Variants in SSR1 observed in about 807,000 individuals in gnomAD.
The protein encoded by SSR1 is signal sequence receptor subunit 1.
Under a neutral mutation model 36.1 loss-of-function variants are expected in SSR1, and 13 were observed. That is an observed-to-expected ratio of 0.36 (90% confidence interval 0.23 to 0.57). The LOEUF (loss-of-function observed/expected upper bound fraction) is 0.57. Ranked by LOEUF, SSR1 falls within the 20% of genes least tolerant of loss-of-function variation. The pLI is 0.81. For synonymous variants in SSR1, 113 were observed against 118.9 expected, an observed-to-expected ratio of 0.95 and a Z score of 0.32; for missense variants, 291 against 338.5, an observed-to-expected ratio of 0.86 and a Z score of 1.10.
chr6:7,299,648 A>G (rs1048341152), intron 4 of SSR1, among the ~76,000 whole-genome samples: 2 of 151,718 alleles, frequency 1.3e-5, no homozygotes, highest in Non-Finnish European at 2.9e-5. Context: ...TGATGAGCCG[A>G]GATCACTCCA....
chr6:7,306,845 G>A (rs1446501883), intron 2 of SSR1, among the ~76,000 whole-genome samples: 2 of 151,666 alleles, frequency 1.3e-5, no homozygotes, highest in East Asian at 2.0e-4. Context: ...GAACCCGGGA[G>A]GTGGAGCTTG....
intron 7 of SSR1, among the ~76,000 whole-genome samples, chr6:7,290,400 G>T (rs1019360977): frequency 1.6e-4 from 14 of 85,304 alleles, no homozygotes; most frequent in African/African-American, 7.8e-4. Context: ...CACACAAGCT[G>T]TATCTCCCAT....
At chr6:7,310,399 G>A (rs1389755085) in intron 1 of SSR1, among the ~76,000 whole-genome samples, 1 of 151,914 alleles carries the variant, frequency 6.6e-6, no homozygotes, top group Non-Finnish European at 1.5e-5. Context: ...TGCCTTCCAT[G>A]TTATTTTTAA....
At chr6:7,312,936 G>A in intron 1 of SSR1, 106 bp downstream of exon 1, 1 of 1,153,404 alleles carries the variant, frequency 8.7e-7, no homozygotes, top group Non-Finnish European at 1.3e-6. Flanking sequence ...CCAGCGGGGT[G>A]GACGCGGACC....
At chr6:7,301,112 C>G (rs2113288652) in intron 4 of SSR1, among the ~76,000 whole-genome samples, 198 bp downstream of exon 4, 2 of 152,278 alleles carry the variant, frequency 1.3e-5, no homozygotes, top group South Asian at 4.1e-4. Context: ...TCAGCATGTT[C>G]TAGTGCCTGT....
rs1244367246 is a variant in SSR1, at chr6:7,284,107, A to G, written c.*5757T>C. The G allele has an allele frequency of 2.0e-5, 3 of 152,216 alleles. No homozygotes were observed. Among genetic ancestry groups the G allele is most frequent in the Non-Finnish European group, 4.4e-5 (3 of 68,044 alleles). 9.4% of individuals were successfully genotyped at this position (152,216 alleles called of 1,614,324 possible). ...ATTTCTATAAATGTTGGGTGATCAGACCAATATGGTTTCTGAAAAAACTGT... is the reference window on the plus strand; with the variant it reads ...ATTTCTATAAATGTTGGGTGATCAGGCCAATATGGTTTCTGAAAAAACTGT... On this transcript the variant is annotated 3_prime_UTR_variant, in exon 8 of 8. Coordinates refer to ENST00000244763, the MANE Select transcript of SSR1 (RefSeq NM_003144.5).
In SSR1 at chr6:7,303,644, A is replaced by G. The variant is rs780475846; in HGVS notation, c.193-7T>C. 7.5e-6 allele frequency: 12 copies of G among 1,598,528 alleles called. No individual in the cohort carries two copies. The highest frequency in any genetic ancestry group is 1.0e-5 in the Non-Finnish European group (12 of 1,169,372). On this transcript the variant is annotated splice_region_variant and splice_polypyrimidine_tract_variant and intron_variant, in intron 2 of 7. Transcript: ENST00000244763. Reference sequence around the variant, plus strand: ...CTTCCTCTTTATCTTCTACCTAAGAAAAAGAACAATTAAGAGGAGATTACT... The same window carrying G: ...CTTCCTCTTTATCTTCTACCTAAGAGAAAGAACAATTAAGAGGAGATTACT...
At chr6:7,307,947 C>T (rs1758106736) in intron 2 of SSR1, among the ~76,000 whole-genome samples, 1 of 152,242 alleles carries the variant, frequency 6.6e-6, no homozygotes, top group Non-Finnish European at 1.5e-5. Flanking sequence ...GCCCAAATTT[C>T]AGTGCCCCAA....
At chr6:7,301,657 C>A (rs969653399) in intron 3 of SSR1, 85 bp from the exon 4 acceptor site, 4 of 1,388,958 alleles carry the variant, frequency 2.9e-6, no homozygotes, top group Non-Finnish European at 3.9e-6. Context: ...TGGATTCTGG[C>A]ACCCTTTCCT....
At chr6:7,294,964 T>C in intron 7 of SSR1, 1 of 827,756 alleles carries the variant, frequency 1.2e-6, no homozygotes, top group South Asian at 2.3e-5. Flanking sequence ...TGGGTAGTTT[T>C]TCTAATAAAA....
chr6:7,312,812 G>A (rs1027202196), intron 1 of SSR1, among the ~76,000 whole-genome samples: 8 of 152,216 alleles, frequency 5.3e-5, no homozygotes, highest in African/African-American at 1.9e-4. Context: ...AAGCAAGGTC[G>A]CCCGGGCACG....
At chr6:7,297,168 A>G (rs1456474671) in intron 6 of SSR1, 2 of 302,918 alleles carry the variant, frequency 6.6e-6, no homozygotes, top group South Asian at 2.5e-5. Context: ...TGCAGTAAGC[A>G]AGATTGTGCC....
rs564695061 is a variant in SSR1 at position 7,311,868 on chromosome 6, T to C, written c.79+1174A>G. Among the ~76,000 whole-genome samples, 3 of 152,352 alleles carry C rather than the reference T, an allele frequency of 2.0e-5. No homozygotes were observed. The South Asian group carries it at 6.2e-4, about 32-fold the overall frequency. On this transcript the variant is annotated intron_variant, in intron 1 of 7. Transcript: ENST00000244763. The stretch of plus-strand genomic sequence containing the variant: ...ATAACTTGAAAATAGTTATAAATAG[T>C]TCTAAAACTAAAACTACATTTGTCA...
intron 2 of SSR1, among the ~76,000 whole-genome samples, chr6:7,306,914 C>G (rs1758077695): frequency 1.1e-5 from 1 of 92,596 alleles, no homozygotes; most frequent in Non-Finnish European, 1.9e-5. Context: ...GAGACTCTGT[C>G]TGGGTGGTGG....
chr6:7,309,750 T>C (rs1489523736), intron 2 of SSR1, 167 bp downstream of exon 2: 2 of 625,508 alleles, frequency 3.2e-6, no homozygotes, highest in East Asian at 2.8e-5. Flanking sequence ...ATTTCTGCCA[T>C]GATGGTAAGT....
At position 7,309,879 on chromosome 6, in the gene SSR1, A is replaced by G. The variant is rs781561956; in HGVS notation, c.192+38T>C. The G allele has an allele frequency of 3.5e-6, 5 of 1,431,552 alleles. No homozygotes were observed. The Admixed American group carries it at 6.7e-5, about 19-fold the overall frequency. 88.7% of individuals were successfully genotyped at this position (1,431,552 alleles called of 1,614,324 possible). On this transcript the variant is annotated intron_variant, in intron 2 of 7. Coordinates refer to ENST00000244763, the MANE Select transcript of SSR1 (RefSeq NM_003144.5). ...CATGAGAACAGATGAATACAATTAC[A>G]TACATTTTACATATATTAAATAGTA...
Position 7,289,039 on chromosome 6 carries a change from TCAAAA to T in SSR1, c.*820_*824del, listed in dbSNP as rs1261175191. ...CTATTAAGGAGAGAAAAATTCTCTCTCAAAACAAAACAAAAAAACCTACACACAAC... is the reference window on the plus strand; with the variant it reads ...CTATTAAGGAGAGAAAAATTCTCTCTCAAAACAAAAAAACCTACACACAAC... On this transcript the variant is annotated 3_prime_UTR_variant, in exon 8 of 8. Coordinates refer to ENST00000244763, the MANE Select transcript of SSR1 (RefSeq NM_003144.5). The T allele has an allele frequency of 3.9e-5, 6 of 152,066 alleles. 1 individual carries two copies. Among genetic ancestry groups the T allele is most frequent in the Middle Eastern group, 6.3e-3 (2 of 316 alleles). The allele number at this position is 152,066 out of a possible 1,614,324, so 9.4% of individuals were successfully genotyped here.
At chr6:7,305,824 G>A (rs1245440920) in intron 2 of SSR1, among the ~76,000 whole-genome samples, 2 of 152,228 alleles carry the variant, frequency 1.3e-5, no homozygotes, top group African/African-American at 2.4e-5. Flanking sequence ...TGCCAAGACT[G>A]AAAACTCATT....
intron 1 of SSR1, 124 bp downstream of exon 1, chr6:7,312,918 G>A (rs1185972004): frequency 1.0e-6 from 1 of 973,152 alleles, no homozygotes; most frequent in African/African-American, 1.6e-5. Flanking sequence ...GGAGAGGGCG[G>A]AGAGAGGCCA....
Sources: allele counts gnomAD v4.1 joint callset (sites outside exome capture counted in the v4.1 genomes callset), GRCh38; gene constraint gnomAD v4.1.1; transcripts MANE v1.5; gene names NCBI Gene and HGNC (gene_info 2026-07-23, HGNC 2026-07-21).